DYM: variants seen among roughly 807,000 people sequenced by gnomAD.
The protein encoded by DYM is dyggve-Melchior-Clausen syndrome protein.
A neutral mutation model predicts 93.1 loss-of-function variants in DYM; 78 were observed. That is an observed-to-expected ratio of 0.84 (90% confidence interval 0.70 to 1.01). The LOEUF (loss-of-function observed/expected upper bound fraction) is 1.01, where lower values mean the gene tolerates loss of function less well. Among genes scored for constraint, DYM ranks in the 50% least tolerant of loss-of-function variants. The pLI is 0.00. For missense variants in DYM, 789 were observed against 845.0 expected, an observed-to-expected ratio of 0.93 and a Z score of 0.82; for synonymous variants, 321 against 319.7, an observed-to-expected ratio of 1.00 and a Z score of -0.04.
chr18:49,122,688 A>G (rs2082486018), intron 15 of DYM, among the ~76,000 whole-genome samples: 1 of 152,210 alleles, frequency 6.6e-6, no homozygotes, highest in East Asian at 1.9e-4. Flanking sequence ...TCCTGAAACC[A>G]CCAACCAGTC....
intron 2 of DYM, among the ~76,000 whole-genome samples, chr18:49,401,712 T>C (rs2070850970): frequency 6.6e-6 from 1 of 151,860 alleles, no homozygotes; most frequent in African/African-American, 2.4e-5. Flanking sequence ...GATAATTCAG[T>C]AAGGAAGTGG....
intron 3 of DYM, among the ~76,000 whole-genome samples, chr18:49,381,384 CAT>C (rs1176538430): frequency 6.6e-6 from 1 of 152,142 alleles, no homozygotes; most frequent in East Asian, 1.9e-4. Context: ...CTCCCTGCTG[CAT>C]ATATATTTTT....
chr18:49,332,486 T>A (rs2063380309), intron 7 of DYM, among the ~76,000 whole-genome samples: 1 of 152,166 alleles, frequency 6.6e-6, no homozygotes, highest in African/African-American at 2.4e-5. Flanking sequence ...TAACACATTA[T>A]CTGGCAATTG....
chr18:49,207,580 C>G (rs1045538415), intron 14 of DYM, among the ~76,000 whole-genome samples: 1 of 152,164 alleles, frequency 6.6e-6, no homozygotes, highest in Non-Finnish European at 1.5e-5. Flanking sequence ...AGGACTCACC[C>G]AATCAGCTGA....
chr18:49,196,052 G>A (rs1402792890), intron 14 of DYM, among the ~76,000 whole-genome samples: 1 of 150,266 alleles, frequency 6.7e-6, no homozygotes, highest in African/African-American at 2.5e-5. Context: ...AGCCTCCCGA[G>A]TAGCTGGGAT....
intron 16 of DYM, among the ~76,000 whole-genome samples, chr18:49,118,498 T>C (rs914171113): frequency 1.3e-4 from 20 of 152,080 alleles, no homozygotes; most frequent in Admixed American, 1.2e-3. Flanking sequence ...ATGGTCTAAG[T>C]GTAAAGTAAA....
At chr18:49,245,137 C>T (rs1263860596) in intron 13 of DYM, among the ~76,000 whole-genome samples, 1 of 152,138 alleles carries the variant, frequency 6.6e-6, no homozygotes, top group East Asian at 1.9e-4. Context: ...ATTTCTTATG[C>T]CTGTCTTACT....
chr18:49,120,621 T>C (rs536798891), intron 15 of DYM, among the ~76,000 whole-genome samples: 21 of 152,300 alleles, frequency 1.4e-4, no homozygotes, highest in African/African-American at 4.8e-4. Flanking sequence ...TCAATCTGCG[T>C]TGGTTGAATC....
At chr18:49,181,142 G>A (rs1468280734) in intron 14 of DYM, among the ~76,000 whole-genome samples, 1 of 152,086 alleles carries the variant, frequency 6.6e-6, no homozygotes, top group African/African-American at 2.4e-5. Context: ...CTAGAGTCAA[G>A]GTCGTGTTGG....
chr18:49,331,504 C>A (rs1259892255), intron 8 of DYM, among the ~76,000 whole-genome samples: 1 of 152,134 alleles, frequency 6.6e-6, no homozygotes, highest in Non-Finnish European at 1.5e-5. Context: ...CCAAAATATA[C>A]CCTAAAATAA....
At chr18:49,199,227 G>A (rs931519020) in intron 14 of DYM, among the ~76,000 whole-genome samples, 1 of 152,176 alleles carries the variant, frequency 6.6e-6, no homozygotes, top group Non-Finnish European at 1.5e-5. Context: ...AGGGCCTGTT[G>A]TGGGGTGGGG....
Position 49,168,758 on chromosome 18 carries a change from C to T in DYM, c.1626-4971G>A, listed in dbSNP as rs764009362. Among the ~76,000 whole-genome samples the T allele has an allele frequency of 5.9e-5, 9 of 152,036 alleles. No individual in the cohort carries two copies. The South Asian group carries it at 1.2e-3, about 21-fold the overall frequency. On this transcript the variant is annotated intron_variant, in intron 14 of 17. Coordinates refer to ENST00000675505, the MANE Select transcript of DYM (RefSeq NM_001353214.3). ...GAGAATTCCATGGGTCTGAAGAGAG[C>T]ACTGTGGGAGAACAGGGGGAAGATT...
chr18:49,229,244 A>G (rs1258477879), intron 13 of DYM, among the ~76,000 whole-genome samples: 1 of 152,164 alleles, frequency 6.6e-6, no homozygotes, highest in African/African-American at 2.4e-5. Flanking sequence ...CAGGGACAAA[A>G]TAAAGTACTG....
At chr18:49,419,434 A>G (rs974428572) in intron 2 of DYM, among the ~76,000 whole-genome samples, 1 of 152,192 alleles carries the variant, frequency 6.6e-6, no homozygotes, top group Non-Finnish European at 1.5e-5. Context: ...CTATAAAGCC[A>G]TAATAACTTA....
At chr18:49,416,194 G>A (rs1200936855) in intron 2 of DYM, among the ~76,000 whole-genome samples, 1 of 152,172 alleles carries the variant, frequency 6.6e-6, no homozygotes, top group Non-Finnish European at 1.5e-5. Flanking sequence ...AGCAAAGTCA[G>A]ACACTTTACA....
chr18:49,242,315 G>A (rs1568086072), intron 13 of DYM, among the ~76,000 whole-genome samples: 1 of 152,228 alleles, frequency 6.6e-6, no homozygotes, highest in Non-Finnish European at 1.5e-5. Context: ...TTGGGAGGCT[G>A]AGGCATGAAG....
chr18:49,347,215 G>A (rs191965773), intron 6 of DYM, among the ~76,000 whole-genome samples: 2 of 152,090 alleles, frequency 1.3e-5, no homozygotes, highest in African/African-American at 4.8e-5. Flanking sequence ...ATAAGGGCAA[G>A]TAAGAAACTA....
At chr18:49,385,950 C>G (rs1234203782) in intron 3 of DYM, among the ~76,000 whole-genome samples, 2 of 152,020 alleles carry the variant, frequency 1.3e-5, no homozygotes, top group African/African-American at 4.8e-5. Context: ...CTAAGAGATG[C>G]ATGCCACCAT....
intron 15 of DYM, among the ~76,000 whole-genome samples, chr18:49,127,167 A>G (rs1308389237): frequency 6.6e-6 from 1 of 152,098 alleles, no homozygotes; most frequent in African/African-American, 2.4e-5. Flanking sequence ...AACAGATCTC[A>G]TATCAGACAG....
Sources: gnomAD v4.1 joint callset for allele counts (sites outside exome capture counted in the v4.1 genomes callset) on GRCh38, gnomAD v4.1.1 for gene constraint, MANE v1.5 for transcripts, NCBI Gene and HGNC (gene_info 2026-07-23, HGNC 2026-07-21) for gene names.